The following CCDC148 variants were observed in gnomAD, a reference collection of about 807,000 sequenced individuals.
The protein encoded by CCDC148 is coiled-coil domain containing 148.
Under a neutral mutation model 85.7 loss-of-function variants are expected in CCDC148, and 89 were observed. The observed-to-expected ratio is 1.04, with a 90% confidence interval of 0.87 to 1.24. The LOEUF is 1.24. Ranked by LOEUF, CCDC148 falls within the 50% of genes most tolerant of loss-of-function variation. CCDC148 has a pLI of 0.00. For missense variants in CCDC148, 692 were observed against 671.7 expected (o/e 1.03, Z -0.33); for synonymous variants, 230 against 213.9 (o/e 1.08, Z -0.66).
At chr2:158,187,778 C>A (rs754083911) in intron 11 of CCDC148, among the ~76,000 whole-genome samples, 12 of 152,034 alleles carry the variant, frequency 7.9e-5, no homozygotes, top group Non-Finnish European at 1.8e-4. Context: ...TTAAAAACTA[C>A]TTCTGAGAAA....
rs148022932 is a variant in CCDC148, at chr2:158,300,640, T to G, written c.1110+8793A>C. 8.4e-4 allele frequency among the ~76,000 whole-genome samples: 128 copies of G among 152,308 alleles called. 3 individuals carry two copies. In the East Asian group the frequency reaches 0.024, roughly 28 times the overall value. ...AAAGGCACAAAAACAGGAAATAGAA[T>G]GTTGCACTGTGCAGTGGCAGAGGTA... On this transcript the variant is annotated intron_variant, in intron 9 of 13. Transcript: ENST00000283233.
intron 11 of CCDC148, among the ~76,000 whole-genome samples, chr2:158,185,705 C>T (rs981927496): frequency 2.6e-5 from 4 of 152,106 alleles, no homozygotes; most frequent in African/African-American, 9.7e-5. Flanking sequence ...ATCCAAAAAA[C>T]TATTTCTGCC....
In CCDC148 at chr2:158,270,674, C is replaced by T. The variant is rs191627125; in HGVS notation, c.1111-19762G>A. On this transcript the variant is annotated intron_variant, in intron 9 of 13. Coordinates refer to ENST00000283233, the MANE Select transcript of CCDC148 (RefSeq NM_138803.4). ...CAAGCACGAGAAAGCTAGTCTATTCCGAAGGATAGATTTCTCAAGTTCCTT... is the reference window on the plus strand; with the variant it reads ...CAAGCACGAGAAAGCTAGTCTATTCTGAAGGATAGATTTCTCAAGTTCCTT... Among the ~76,000 whole-genome samples, 69 of 152,236 alleles carry T rather than the reference C, an allele frequency of 4.5e-4. No homozygotes were observed. The East Asian group carries it at 8.9e-3, about 20-fold the overall frequency.
Position 158,234,458 on chromosome 2 carries a change from G to A in CCDC148, c.1252-13745C>T, listed in dbSNP as rs146686628. Among the ~76,000 whole-genome samples, 1,235 of 151,682 alleles carry A rather than the reference G, an allele frequency of 8.1e-3. 9 individuals carry two copies. Among genetic ancestry groups the A allele is most frequent in the Middle Eastern group, 0.044 (13 of 294 alleles). ...CAAGCTCATTTACCTCTGGTAGGAGGGTAAATTGTCATACTTTTTCTGAAG... is the reference window on the plus strand; with the variant it reads ...CAAGCTCATTTACCTCTGGTAGGAGAGTAAATTGTCATACTTTTTCTGAAG... On this transcript the variant is annotated intron_variant, in intron 10 of 13. Coordinates refer to ENST00000283233, the MANE Select transcript of CCDC148 (RefSeq NM_138803.4).
At chr2:158,385,986 C>T (rs1411551541) in intron 1 of CCDC148, among the ~76,000 whole-genome samples, 10 of 152,076 alleles carry the variant, frequency 6.6e-5, no homozygotes, top group Non-Finnish European at 1.0e-4. Context: ...GGGGTCTGGC[C>T]TCTCACTCCT....
At chr2:158,282,774 A>G (rs1377231896) in intron 9 of CCDC148, among the ~76,000 whole-genome samples, 2 of 152,170 alleles carry the variant, frequency 1.3e-5, no homozygotes, top group Non-Finnish European at 1.5e-5. Context: ...ATTGGAAAAA[A>G]CTACTTTAAA....
At chr2:158,314,605 A>G (rs746873697) in intron 7 of CCDC148, among the ~76,000 whole-genome samples, 3 of 152,218 alleles carry the variant, frequency 2.0e-5, no homozygotes, top group Admixed American at 6.5e-5. Context: ...CATTCTTTCT[A>G]GACTATTAGC....
At chr2:158,370,606 A>T (rs1040631870) in intron 1 of CCDC148, among the ~76,000 whole-genome samples, 1 of 152,044 alleles carries the variant, frequency 6.6e-6, no homozygotes, top group Non-Finnish European at 1.5e-5. Context: ...AATTTTAAGC[A>T]GAATGTTACA....
chr2:158,369,549 A>G (rs1464883929), intron 1 of CCDC148, among the ~76,000 whole-genome samples: 1 of 152,198 alleles, frequency 6.6e-6, no homozygotes, highest in Non-Finnish European at 1.5e-5. Flanking sequence ...GAAGTTGCTT[A>G]TCAACTTAAG....
chr2:158,217,391 TATAC>T lies in CCDC148; in HGVS notation c.1370+3200_1370+3203del, dbSNP rs1469648137. Among the ~76,000 whole-genome samples, 302 of 98,666 alleles carry T rather than the reference TATAC, an allele frequency of 3.1e-3. 2 individuals are homozygous for T. Among genetic ancestry groups the T allele is most frequent in the Admixed American group, 7.2e-3 (57 of 7,884 alleles). The allele number at this position is 98,666 out of a possible 152,430, so 64.7% of individuals were successfully genotyped here. On this transcript the variant is annotated intron_variant, in intron 11 of 13. Coordinates refer to ENST00000283233, the MANE Select transcript of CCDC148 (RefSeq NM_138803.4). ...GTGTGTGTGTATATATATATATATA[TATAC>T]ACACACACATACATTTCATTTTTTT...
chr2:158,427,443 G>T (rs1157043722), intron 1 of CCDC148, among the ~76,000 whole-genome samples: 1 of 152,118 alleles, frequency 6.6e-6, no homozygotes, highest in Non-Finnish European at 1.5e-5. Context: ...AGGGAAAAAA[G>T]GGCTTTCTTG....
chr2:158,424,222 C>T (rs919293008), intron 1 of CCDC148, among the ~76,000 whole-genome samples: 2 of 152,124 alleles, frequency 1.3e-5, no homozygotes, highest in East Asian at 1.9e-4. Flanking sequence ...ACTGAGTATA[C>T]ACCCAAAGGA....
At position 158,417,395 on chromosome 2, in the gene CCDC148, C is replaced by T. The variant is rs1266153875; in HGVS notation, c.25+39020G>A. On this transcript the variant is annotated intron_variant, in intron 1 of 13. Transcript: ENST00000283233. ...AGCTGATGGACAGCCCCAGCTACTA[C>T]CCCTTGGATTCATGACTGCTCATAG... Among the ~76,000 whole-genome samples, 3 of 152,236 alleles carry T rather than the reference C, an allele frequency of 2.0e-5. No homozygotes were observed. The East Asian group carries it at 5.8e-4, about 29-fold the overall frequency.
At chr2:158,204,531 G>A (rs558580283) in intron 11 of CCDC148, among the ~76,000 whole-genome samples, 3 of 152,220 alleles carry the variant, frequency 2.0e-5, no homozygotes, top group Non-Finnish European at 2.9e-5. Context: ...TGAAGAAGCC[G>A]AGCTTCATGG....
rs56227304 is a variant in CCDC148, at chr2:158,305,755, T to TA, written c.1110+3677dup. Among the ~76,000 whole-genome samples, 274 of 87,856 alleles carry TA rather than the reference T, an allele frequency of 3.1e-3. 1 individual carries two copies. The highest frequency in any genetic ancestry group is 0.017 in the Admixed American group (130 of 7,744). The allele number at this position is 87,856 out of a possible 152,430, so 57.6% of individuals were successfully genotyped here. On this transcript the variant is annotated intron_variant, in intron 9 of 13. Coordinates refer to ENST00000283233, the MANE Select transcript of CCDC148 (RefSeq NM_138803.4). Reference sequence around the variant, plus strand: ...GGCAACAGAATGAAACCCTGTCTCTTAAAAAAAAAAAAAAAAAAAAAAAAG... The same window carrying TA: ...GGCAACAGAATGAAACCCTGTCTCTTAAAAAAAAAAAAAAAAAAAAAAAAAG...
At chr2:158,319,670 CTAAAGA>C (rs895398583) in intron 7 of CCDC148, among the ~76,000 whole-genome samples, 3 of 152,086 alleles carry the variant, frequency 2.0e-5, no homozygotes, top group Non-Finnish European at 2.9e-5. Flanking sequence ...TCTCTTATAG[CTAAAGA>C]TAATTTGACA....
At chr2:158,328,519 G>T (rs1349663944) in intron 7 of CCDC148, among the ~76,000 whole-genome samples, 1 of 152,050 alleles carries the variant, frequency 6.6e-6, no homozygotes, top group African/African-American at 2.4e-5. Context: ...AATCCTTTGG[G>T]TATATACCCA....
At chr2:158,361,328 C>A (rs911256699) in intron 1 of CCDC148, among the ~76,000 whole-genome samples, 2 of 152,040 alleles carry the variant, frequency 1.3e-5, no homozygotes, top group African/African-American at 4.8e-5. Context: ...CAGAGAACAC[C>A]ACAAAGATTT....
chr2:158,239,236 G>A (rs1279584955), intron 10 of CCDC148, among the ~76,000 whole-genome samples: 1 of 151,928 alleles, frequency 6.6e-6, no homozygotes, highest in Non-Finnish European at 1.5e-5. Context: ...ACTGTCTAAT[G>A]GGAAGTCTTT....
Sources: gnomAD v4.1 joint callset for allele counts (sites outside exome capture counted in the v4.1 genomes callset) on GRCh38, gnomAD v4.1.1 for gene constraint, MANE v1.5 for transcripts, NCBI Gene and HGNC (gene_info 2026-07-23, HGNC 2026-07-21) for gene names.